ANKS1B: variants seen among roughly 807,000 people sequenced by gnomAD.
ANKS1B encodes ankyrin repeat and sterile alpha motif domain-containing protein 1B.
Under a neutral mutation model 148.3 loss-of-function variants are expected in ANKS1B, and 36 were observed. That is an observed-to-expected ratio of 0.24 (90% CI 0.19 to 0.32). The LOEUF is 0.32. Ranked by LOEUF, ANKS1B falls within the 10% of genes least tolerant of loss-of-function variation. The probability of loss-of-function intolerance (pLI) is 1.00; values close to 1 mark genes in which losing one functional copy is unlikely to be tolerated. For synonymous variants in ANKS1B, 542 were observed against 560.8 expected (o/e 0.97, Z 0.47); for missense variants, 1,157 against 1,542.6 (o/e 0.75, Z 4.19).
chr12:99,734,111 C>T (rs1460091523), intron 8 of ANKS1B, among the ~76,000 whole-genome samples: 3 of 152,320 alleles, frequency 2.0e-5, no homozygotes, highest in African/African-American at 7.2e-5. Context: ...AATGAATATT[C>T]CATGAGGCAT....
intron 14 of ANKS1B, among the ~76,000 whole-genome samples, chr12:99,192,829 G>A (rs761840730): frequency 4.4e-4 from 67 of 151,950 alleles, no homozygotes; most frequent in Non-Finnish European, 8.4e-4. Context: ...CCATTAAGAA[G>A]ATTATCTCTG....
At chr12:99,496,332 T>C (rs1031022271) in intron 10 of ANKS1B, among the ~76,000 whole-genome samples, 3 of 152,218 alleles carry the variant, frequency 2.0e-5, no homozygotes, top group African/African-American at 7.2e-5. Context: ...TTTACTGCCA[T>C]TACAGCCATT....
At chr12:99,239,642 A>C (rs1171836447) in intron 14 of ANKS1B, among the ~76,000 whole-genome samples, 1 of 152,234 alleles carries the variant, frequency 6.6e-6, no homozygotes, top group Non-Finnish European at 1.5e-5. Context: ...GAAATGAAGG[A>C]AAAAATGTTA....
At chr12:99,782,118 A>G (rs2064394787) in intron 4 of ANKS1B, 21 bp from the exon 5 acceptor site, 5 of 1,566,552 alleles carry the variant, frequency 3.2e-6, no homozygotes, top group East Asian at 2.3e-5. Flanking sequence ...AAAAGTAAGA[A>G]AAAAGAAAGC....
chr12:99,249,766 G>A (rs1397515331), intron 12 of ANKS1B, among the ~76,000 whole-genome samples: 6 of 152,224 alleles, frequency 3.9e-5, no homozygotes, highest in East Asian at 1.9e-4. Flanking sequence ...GCCTTGTACC[G>A]CTCAATCAGA....
At chr12:99,493,082 T>C (rs2096570089) in intron 10 of ANKS1B, among the ~76,000 whole-genome samples, 1 of 152,086 alleles carries the variant, frequency 6.6e-6, no homozygotes, top group South Asian at 2.1e-4. Context: ...CAAACAGAAA[T>C]AGAGGAAGTC....
chr12:99,191,065 A>G (rs2263049), intron 14 of ANKS1B, among the ~76,000 whole-genome samples: 83,188 of 151,710 alleles, frequency 0.55, 23,994 homozygotes, highest in Non-Finnish European at 0.63. Flanking sequence ...TCCCTAAATA[A>G]GACATGTATG....
At chr12:99,912,386 C>G (rs925868725) in intron 1 of ANKS1B, among the ~76,000 whole-genome samples, 2 of 150,482 alleles carry the variant, frequency 1.3e-5, no homozygotes, top group African/African-American at 4.9e-5. Context: ...GAGTCTCACT[C>G]TGTTGCCCAG....
chr12:98,834,776 T>C (rs1034857475), intron 17 of ANKS1B, among the ~76,000 whole-genome samples: 1 of 152,254 alleles, frequency 6.6e-6, no homozygotes, highest in African/African-American at 2.4e-5. Context: ...GCAGCATTGT[T>C]TATACGATCC....
chr12:99,580,214 C>T (rs1388257382), intron 9 of ANKS1B, among the ~76,000 whole-genome samples: 2 of 152,038 alleles, frequency 1.3e-5, no homozygotes, highest in Non-Finnish European at 2.9e-5. Context: ...GGTTGGAGGA[C>T]TGTGAGGGTT....
At chr12:99,727,971 C>A (rs1031341649) in intron 8 of ANKS1B, among the ~76,000 whole-genome samples, 2 of 152,156 alleles carry the variant, frequency 1.3e-5, no homozygotes, top group African/African-American at 4.8e-5. Flanking sequence ...CTTCCTTATA[C>A]CTTTTACAGA....
At chr12:99,486,362 A>G (rs2096488340) in intron 10 of ANKS1B, among the ~76,000 whole-genome samples, 1 of 152,104 alleles carries the variant, frequency 6.6e-6, no homozygotes, top group African/African-American at 2.4e-5. Context: ...TTATATTAAG[A>G]ACGTTCTCAG....
rs570876562 is a variant in ANKS1B, at chr12:99,973,646, A to G, written c.134+10458T>C. On this transcript the variant is annotated intron_variant, in intron 1 of 26. Coordinates refer to ENST00000683438, the MANE Select transcript of ANKS1B (RefSeq NM_001352186.2). Reference sequence around the variant, plus strand: ...CCAACATTAACAGGAGTTTTGGAAGAAGTTGATTCTAACTCTTATGACTGA... The same window carrying G: ...CCAACATTAACAGGAGTTTTGGAAGGAGTTGATTCTAACTCTTATGACTGA... Among the ~76,000 whole-genome samples the G allele has an allele frequency of 8.5e-4, 130 of 152,296 alleles. 2 individuals carry two copies. In the Middle Eastern group the frequency reaches 0.02, roughly 24 times the overall value.
intron 1 of ANKS1B, among the ~76,000 whole-genome samples, chr12:99,866,284 A>G (rs2090749132): frequency 6.6e-6 from 1 of 152,192 alleles, no homozygotes; most frequent in African/African-American, 2.4e-5. Flanking sequence ...AAATATTTGA[A>G]AACAAAACTA....
At chr12:99,782,431 T>C (rs548858619) in intron 4 of ANKS1B, among the ~76,000 whole-genome samples, 1 of 152,246 alleles carries the variant, frequency 6.6e-6, no homozygotes, top group Admixed American at 6.5e-5. Flanking sequence ...TGGTGGTATG[T>C]GCCTGTAATC....
chr12:99,189,748 A>C lies in ANKS1B; in HGVS notation c.2420-35353T>G, dbSNP rs186605888. Among the ~76,000 whole-genome samples, 5 of 152,336 alleles carry C rather than the reference A, an allele frequency of 3.3e-5. No homozygotes were observed. In the East Asian group the frequency reaches 9.6e-4, roughly 29 times the overall value. ...CAGCCCATATCATACTGAATGGGCAAAAACTGGAAGCATTCCCTTAGAAAA... is the reference window on the plus strand; with the variant it reads ...CAGCCCATATCATACTGAATGGGCACAAACTGGAAGCATTCCCTTAGAAAA... On this transcript the variant is annotated intron_variant, in intron 14 of 26. Transcript: ENST00000683438.
At chr12:99,799,854 T>C (rs1344759599) in intron 4 of ANKS1B, among the ~76,000 whole-genome samples, 1 of 151,988 alleles carries the variant, frequency 6.6e-6, no homozygotes, top group Non-Finnish European at 1.5e-5. Context: ...GAAGAGTAGG[T>C]GGTAGCTTTA....
chr12:98,945,505 C>CAAAAAAAAAAAAAAAAAAAAAAA (rs3051086), intron 17 of ANKS1B, among the ~76,000 whole-genome samples: 3 of 30,296 alleles, frequency 9.9e-5, no homozygotes, highest in African/African-American at 1.1e-4. Context: ...AACAAACAAA[C>CAAAAAAAAAAAAAAAAAAAAAAA]AAAAAAAAAA....
intron 4 of ANKS1B, among the ~76,000 whole-genome samples, chr12:99,786,315 G>C (rs1466490762): frequency 6.6e-6 from 1 of 152,150 alleles, no homozygotes; most frequent in Non-Finnish European, 1.5e-5. Flanking sequence ...CTTTGGAACA[G>C]GTATTTGTTC....
Sources: allele counts gnomAD v4.1 joint callset (sites outside exome capture counted in the v4.1 genomes callset), GRCh38; gene constraint gnomAD v4.1.1; transcripts MANE v1.5; gene names NCBI Gene and HGNC (gene_info 2026-07-23, HGNC 2026-07-21).